The following CSDE1 variants were observed in gnomAD, a reference collection of about 807,000 sequenced individuals.
The protein encoded by CSDE1 is cold shock domain-containing protein E1.
In CSDE1, 17 loss-of-function variants were observed where a neutral mutation model predicts 89.3. The observed-to-expected ratio is 0.19, with a 90% confidence interval of 0.13 to 0.29. The LOEUF (loss-of-function observed/expected upper bound fraction) is 0.29. CSDE1 is among the 10% of genes least tolerant of loss of function. The pLI, the probability that CSDE1 is intolerant of heterozygous loss-of-function variation, is 1.00. For synonymous variants in CSDE1, 322 were observed against 332.8 expected (o/e 0.97, Z 0.35); for missense variants, 672 against 984.2 (o/e 0.68, Z 4.24).
At chr1:114,744,249 A>T (rs1012390021) in intron 2 of CSDE1, among the ~76,000 whole-genome samples, 4 of 152,186 alleles carry the variant, frequency 2.6e-5, no homozygotes, top group African/African-American at 9.7e-5. Flanking sequence ...CAGCATGTAA[A>T]AATGTATTCA....
chr1:114,718,220 T>TGG lies in CSDE1; in HGVS notation c.2350-6_2350-5dup, dbSNP rs778572647. The TGG allele has an allele frequency of 6.2e-7, 1 of 1,611,082 alleles. No homozygotes were observed. The highest frequency in any genetic ancestry group is 1.1e-5 in the South Asian group (1 of 90,426). On this transcript the variant is annotated splice_polypyrimidine_tract_variant and splice_region_variant and intron_variant, in intron 19 of 19. Transcript: ENST00000358528. ...TCTTTCTTTCTGCACCAAACCCCTG[T>TGG]GGGGGGGAGAAAAAAAAAACCCTGC...
intron 12 of CSDE1, among the ~76,000 whole-genome samples, chr1:114,728,140 C>T (rs1443026178): frequency 6.6e-6 from 1 of 152,162 alleles, no homozygotes; most frequent in Non-Finnish European, 1.5e-5. Context: ...ACAAAATCAT[C>T]TCCATAGTTT....
chr1:114,720,066 G>A (rs1202384546), intron 17 of CSDE1: 2 of 262,296 alleles, frequency 7.6e-6, no homozygotes, highest in Non-Finnish European at 1.4e-5. Context: ...ATTAAGCTGG[G>A]TTATAGTAGC....
chr1:114,748,037 CT>C (rs1661110779), intron 2 of CSDE1, among the ~76,000 whole-genome samples: 1 of 152,078 alleles, frequency 6.6e-6, no homozygotes. Context: ...CTACAATTAC[CT>C]TAAAATTAAA....
chr1:114,725,440 A>T (rs528890492), intron 14 of CSDE1, 107 bp from the exon 15 acceptor site: 30 of 818,118 alleles, frequency 3.7e-5, no homozygotes, highest in Non-Finnish European at 5.2e-5. Flanking sequence ...GCTTATTTAC[A>T]TTAGACACCA....
At chr1:114,724,176 T>G (rs563642463) in intron 15 of CSDE1, 174 bp from the exon 16 acceptor site, 2 of 498,486 alleles carry the variant, frequency 4.0e-6, no homozygotes, top group South Asian at 5.7e-5. Context: ...TGCTGGACTT[T>G]AAATACTTCT....
At chr1:114,718,771 G>C (rs769431251) in intron 18 of CSDE1, 26 bp from the exon 19 acceptor site, 1 of 1,610,608 alleles carries the variant, frequency 6.2e-7, no homozygotes, top group African/African-American at 1.3e-5. Flanking sequence ...AAGATGAGAA[G>C]AAACCACACT....
At chr1:114,754,931 T>C (rs1409829656) in intron 1 of CSDE1, among the ~76,000 whole-genome samples, 1 of 152,220 alleles carries the variant, frequency 6.6e-6, no homozygotes, top group South Asian at 2.1e-4. Context: ...AGAAACATTC[T>C]AGACACATCA....
Position 114,720,562 on chromosome 1 carries a change from T to C in CSDE1, c.2029A>G (p.Thr677Ala). ...ACCTGATCTTTCACACATTCCACTGTGGCCCTGCGCAGGGGTGTGATGTTG... is the reference window on the plus strand; with the variant it reads ...ACCTGATCTTTCACACATTCCACTGCGGCCCTGCGCAGGGGTGTGATGTTG... Reference protein sequence around the residue: ...AYNITPLRRATVECVKDQFGF... With the variant: ...AYNITPLRRAAVECVKDQFGF... The change falls in exon 17 of 20, where the codon ACA becomes GCA. Residue 677 changes from threonine to alanine, a missense_variant. This residue lies in a region of CSDE1 where 206 missense variants were observed against 332.4 expected (regional missense o/e 0.62). Transcript: ENST00000358528. The C allele has an allele frequency of 6.2e-7, 1 of 1,613,514 alleles. No homozygotes were observed. Among genetic ancestry groups the C allele is most frequent in the Non-Finnish European group, 8.5e-7 (1 of 1,179,618 alleles).
At chr1:114,735,889 T>C (rs1253303689) in intron 6 of CSDE1, among the ~76,000 whole-genome samples, 1 of 152,154 alleles carries the variant, frequency 6.6e-6, no homozygotes, top group African/African-American at 2.4e-5. Flanking sequence ...AAATAGACCT[T>C]AGACTTAATA....
In CSDE1 at chr1:114,718,023, G is replaced by T; in HGVS notation, c.*146C>A. 4.2e-6 allele frequency: 3 copies of T among 710,156 alleles called. No individual in the cohort carries two copies. Among genetic ancestry groups the T allele is most frequent in the East Asian group, 2.6e-5 (1 of 37,882 alleles). 44.0% of individuals were successfully genotyped at this position (710,156 alleles called of 1,614,324 possible). ...TTATTTATTTTTTTAAACATAACAC[G>T]AGGAAGGTGTTAAAACTGGTGTAAT... is the stretch of plus-strand genomic sequence containing the variant. On this transcript the variant is annotated 3_prime_UTR_variant, in exon 20 of 20. Coordinates refer to ENST00000358528, the MANE Select transcript of CSDE1 (RefSeq NM_001007553.3).
chr1:114,755,292 G>T (rs1339767059), intron 1 of CSDE1, among the ~76,000 whole-genome samples: 1 of 152,218 alleles, frequency 6.6e-6, no homozygotes, highest in Non-Finnish European at 1.5e-5. Flanking sequence ...GGAAGTAAAT[G>T]TAAGGGTCTT....
At chr1:114,751,705 A>C (rs1398786153) in intron 1 of CSDE1, among the ~76,000 whole-genome samples, 4 of 151,796 alleles carry the variant, frequency 2.6e-5, no homozygotes, top group Admixed American at 2.0e-4. Flanking sequence ...AAAAAAAAAA[A>C]ACAAAAACAA....
At chr1:114,754,587 T>C (rs371978109) in intron 1 of CSDE1, among the ~76,000 whole-genome samples, 15 of 152,214 alleles carry the variant, frequency 9.9e-5, no homozygotes, top group African/African-American at 3.4e-4. Context: ...ATAGGTAGCA[T>C]AGGACTGAAA....
chr1:114,735,802 G>A (rs1231966171), intron 6 of CSDE1, among the ~76,000 whole-genome samples: 2 of 151,810 alleles, frequency 1.3e-5, no homozygotes, highest in Non-Finnish European at 2.9e-5. Context: ...ATTCTCCCTG[G>A]GCTTTCTTAA....
chr1:114,750,750 T>C, intron 1 of CSDE1, among the ~76,000 whole-genome samples: 1 of 152,230 alleles, frequency 6.6e-6, no homozygotes, highest in East Asian at 1.9e-4. Context: ...TAAGTGGAAT[T>C]TGAAGTGAAC....
intron 10 of CSDE1, among the ~76,000 whole-genome samples, chr1:114,731,966 C>T (rs116596570): frequency 1.3e-5 from 2 of 152,074 alleles, no homozygotes; most frequent in African/African-American, 2.4e-5. Context: ...AGGTGCCCAC[C>T]GTCACACCTG....
At chr1:114,743,714 C>CT (rs1343141970) in intron 2 of CSDE1, among the ~76,000 whole-genome samples, 25 of 152,284 alleles carry the variant, frequency 1.6e-4, no homozygotes, top group Middle Eastern at 6.8e-3. Context: ...TTTTAAGACT[C>CT]TAAGTTGTTC....
chr1:114,744,812 TA>T (rs1660929843), intron 2 of CSDE1, among the ~76,000 whole-genome samples: 1 of 152,160 alleles, frequency 6.6e-6, no homozygotes, highest in Non-Finnish European at 1.5e-5. Context: ...TCAGTACAAT[TA>T]AATTACCAGA....
Sources: allele counts gnomAD v4.1 joint callset (sites outside exome capture counted in the v4.1 genomes callset), GRCh38; gene constraint gnomAD v4.1.1; regional missense constraint gnomAD v4.1.1; transcripts MANE v1.5; gene names NCBI Gene and HGNC (gene_info 2026-07-23, HGNC 2026-07-21).